The following ZNF726 variants were observed in gnomAD, a reference collection of about 807,000 sequenced individuals.
ZNF726 encodes the protein zinc finger protein 726.
Under a neutral mutation model 11.6 loss-of-function variants are expected in ZNF726, and 15 were observed. That is an observed-to-expected ratio of 1.29 (90% CI 0.86 to 1.99). The LOEUF is 1.99. Among genes scored for constraint, ZNF726 ranks in the 30% most tolerant of loss-of-function variants. The probability of loss-of-function intolerance (pLI) is 0.00; values close to 1 mark genes in which losing one functional copy is unlikely to be tolerated. For missense variants in ZNF726, 890 were observed against 725.6 expected, an observed-to-expected ratio of 1.23 and a Z score of -2.60; for synonymous variants, 295 against 243.6, an observed-to-expected ratio of 1.21 and a Z score of -1.96.
chr19:23,934,629 TCAG>T (rs1968196954), downstream of ZNF726: 2 of 290,688 alleles, frequency 6.9e-6, no homozygotes, highest in South Asian at 3.3e-5. Context: ...CCTCTCTTGT[TCAG>T]CAGCCTCCGG....
At position 23,943,730 on chromosome 19, in the gene ZNF726, G is replaced by A. The variant is rs1228588027; in HGVS notation, c.322+141G>A. ...AAGCCTTTTTTTTTCCTCTAGCTCT[G>A]AAGTAGGAGCATTTTTGTCCCATAC... On this transcript the variant is annotated intron_variant, in intron 4 of 4. Coordinates refer to the ZNF726 transcript ENST00000334589. The A allele has an allele frequency of 6.7e-6, 3 of 446,844 alleles. No homozygotes were observed. The Admixed American group carries it at 1.0e-4, about 15-fold the overall frequency. 27.7% of individuals were successfully genotyped at this position (446,844 alleles called of 1,614,324 possible). A position where few individuals can be genotyped will look rare whatever the true frequency, so the allele number is the denominator to read the frequency against.
At chr19:23,926,119 ATATT>A (rs1020222870) in intron 3 of ZNF726, among the ~76,000 whole-genome samples, 3 of 152,222 alleles carry the variant, frequency 2.0e-5, no homozygotes, top group African/African-American at 4.8e-5. Context: ...CATCTTTTAA[ATATT>A]TATATGTGCA....
chr19:23,923,166 A>G (rs1967895075), intron 3 of ZNF726, among the ~76,000 whole-genome samples: 1 of 152,140 alleles, frequency 6.6e-6, no homozygotes, highest in Admixed American at 6.5e-5. Context: ...TGTTTCACAT[A>G]TGAGGCTCTA....
chr19:23,933,313 T>A lies in ZNF726; in HGVS notation c.1197T>A (p.Cys399Ter). 4 of 1,613,504 alleles carry A rather than the reference T, an allele frequency of 2.5e-6. No individual in the cohort carries two copies. Among genetic ancestry groups the A allele is most frequent in the Non-Finnish European group, 3.4e-6 (4 of 1,179,984 alleles). The change falls in exon 4 of 4, where the codon TGT becomes TGA. Residue 399 changes from cysteine (C) to a stop codon, truncating the protein, a stop_gained. Coordinates refer to ENST00000594466, the MANE Select transcript of ZNF726 (RefSeq NM_001244038.2). LOFTEE classifies it low-confidence loss of function (END_TRUNC). ...RIHTGEKPYKCEECGKAFHRS... is the reference protein window; with the variant it reads ...RIHTGEKPYK ...ACACTGGAGAGAAACCCTACAAATG[T>A]GAAGAATGTGGCAAAGCTTTTCATC...
At chr19:23,934,495 TTTC>T, downstream of ZNF726, 1 of 378,556 alleles carries the variant, frequency 2.6e-6, no homozygotes, top group African/African-American at 2.1e-5. Context: ...GTGGGAAATC[TTTC>T]TTTTTTTTCC....
At chr19:23,928,511 T>G (rs1344292698) in intron 3 of ZNF726, 5 of 152,046 alleles carry the variant, frequency 3.3e-5, no homozygotes, top group South Asian at 2.1e-4. Context: ...GATAGAGAGA[T>G]AGATAGATAG....
intron 1 of ZNF726, 142 bp downstream of exon 1, chr19:23,915,139 C>A: frequency 7.8e-7 from 1 of 1,277,850 alleles, no homozygotes; most frequent in South Asian, 1.3e-5. Flanking sequence ...GGCCTCAGTC[C>A]CTTCAGCCTT....
Position 23,934,401 on chromosome 19 carries a change from G to A in ZNF726, c.*434G>A, listed in dbSNP as rs80146309. 4 of 493,702 alleles carry A rather than the reference G, an allele frequency of 8.1e-6. No individual in the cohort carries two copies. The highest frequency in any genetic ancestry group is 6.1e-5 in the East Asian group (1 of 16,514). 30.6% of individuals were successfully genotyped at this position (493,702 alleles called of 1,614,324 possible). ...GAGAAACCCTACAAATGTGAAAAAT[G>A]TGTCAAAGCCTTTAAGCAGTCTTCA... On this transcript the variant is annotated 3_prime_UTR_variant, in exon 4 of 4. Transcript: ENST00000594466.
chr19:23,923,247 A>G (rs773047314), intron 3 of ZNF726, among the ~76,000 whole-genome samples: 8 of 152,142 alleles, frequency 5.3e-5, no homozygotes, highest in Non-Finnish European at 1.0e-4. Flanking sequence ...CTTGGATTAC[A>G]GTAGTTTTAT....
At chr19:23,917,154 C>T (rs1003697721) in intron 1 of ZNF726, among the ~76,000 whole-genome samples, 2 of 152,088 alleles carry the variant, frequency 1.3e-5, no homozygotes, top group African/African-American at 4.8e-5. Flanking sequence ...TTTCACCATG[C>T]TAGCCAGGCT....
At chr19:23,928,426 A>G (rs1179096822) in intron 3 of ZNF726, 1 of 152,052 alleles carries the variant, frequency 6.6e-6, no homozygotes, top group African/African-American at 2.4e-5. Context: ...GTTGCTATGT[A>G]TTTCTTGCTT....
At chr19:23,937,176 C>T (rs948433864), downstream of ZNF726, among the ~76,000 whole-genome samples, 16 of 145,884 alleles carry the variant, frequency 1.1e-4, no homozygotes, top group East Asian at 2.1e-4. Flanking sequence ...GGTGGCTGGC[C>T]GGGTGGGTGG....
chr19:23,941,995 C>CT (rs1205231095), intron 3 of ZNF726, among the ~76,000 whole-genome samples: 1 of 151,104 alleles, frequency 6.6e-6, no homozygotes, highest in Non-Finnish European at 1.5e-5. Flanking sequence ...TGGTTATTTC[C>CT]TTTTTTCTGC....
intron 4 of ZNF726, chr19:23,943,737 G>T (rs912528720): frequency 4.5e-6 from 2 of 445,812 alleles, no homozygotes; most frequent in African/African-American, 1.9e-5. Context: ...TCTGAAGTAG[G>T]AGCATTTTTG....
intron 3 of ZNF726, among the ~76,000 whole-genome samples, chr19:23,921,968 A>C (rs912979385): frequency 6.6e-6 from 1 of 152,222 alleles, no homozygotes; most frequent in Non-Finnish European, 1.5e-5. Context: ...TGAAGGAGCA[A>C]ACACCTCTTC....
chr19:23,937,593 C>CA, downstream of ZNF726, among the ~76,000 whole-genome samples: 1 of 150,618 alleles, frequency 6.6e-6, no homozygotes, highest in African/African-American at 2.4e-5. Flanking sequence ...GGATGGCGGC[C>CA]GGGAAGAGGC....
intron 3 of ZNF726, among the ~76,000 whole-genome samples, chr19:23,941,039 G>A (rs1968330280): frequency 1.3e-5 from 2 of 152,022 alleles, no homozygotes; most frequent in African/African-American, 2.4e-5. Context: ...GTTGAGAATG[G>A]GCATCCTTTC....
chr19:23,917,530 GACAATGAAT>G (rs1306992908), intron 1 of ZNF726, among the ~76,000 whole-genome samples: 6 of 151,392 alleles, frequency 4.0e-5, no homozygotes, highest in Non-Finnish European at 2.9e-5. Flanking sequence ...TTCAGCTGTA[GACAATGAAT>G]ACATTTCCCC....
chr19:23,934,633 C>T, downstream of ZNF726: 1 of 289,726 alleles, frequency 3.5e-6, no homozygotes, highest in East Asian at 9.1e-5. Flanking sequence ...TCTTGTTCAG[C>T]AGCCTCCGGA....
Sources: allele counts gnomAD v4.1 joint callset (sites outside exome capture counted in the v4.1 genomes callset), GRCh38; gene constraint gnomAD v4.1.1; transcripts MANE v1.5; gene names NCBI Gene and HGNC (gene_info 2026-07-23, HGNC 2026-07-21).